SYN3: variants seen among roughly 807,000 people sequenced by gnomAD.
SYN3 encodes the protein synapsin III, also known as synapsin-3.
Under a neutral mutation model 65.8 loss-of-function variants are expected in SYN3, and 35 were observed. That is an observed-to-expected ratio of 0.53 (90% CI 0.41 to 0.70). The LOEUF (loss-of-function observed/expected upper bound fraction) is 0.70. SYN3 is among the 30% of genes least tolerant of loss of function. The pLI is 0.00. For synonymous variants in SYN3, 270 were observed against 292.9 expected, an observed-to-expected ratio of 0.92 and a Z score of 0.80; for missense variants, 680 against 749.0, an observed-to-expected ratio of 0.91 and a Z score of 1.08.
chr22:32,818,703 G>T (rs1402801086), intron 6 of SYN3, among the ~76,000 whole-genome samples: 1 of 152,118 alleles, frequency 6.6e-6, no homozygotes, highest in Admixed American at 6.6e-5. Context: ...ACCATTAACT[G>T]CAGTCAGAAA....
At chr22:32,567,309 G>A (rs739008) in intron 7 of SYN3, among the ~76,000 whole-genome samples, 42,476 of 147,970 alleles carry the variant, frequency 0.29, 6,686 homozygotes, top group East Asian at 0.51. Context: ...GCAATAGAAC[G>A]ATGACGGAGA....
At chr22:32,547,608 AG>A (rs1311097757) in intron 7 of SYN3, among the ~76,000 whole-genome samples, 4 of 151,658 alleles carry the variant, frequency 2.6e-5, no homozygotes, top group African/African-American at 9.7e-5. Context: ...TGTGTATGTG[AG>A]TGTGCATGCA....
Position 32,864,903 on chromosome 22 carries a change from A to C in SYN3, c.711+12T>G. The C allele has an allele frequency of 6.2e-7, 1 of 1,611,410 alleles. No homozygotes were observed. On this transcript the variant is annotated intron_variant, in intron 6 of 13. Transcript: ENST00000358763. Reference sequence around the variant, plus strand: ...CATCATGCAAAGAAACAGAGTAAAAAAGGGCACTCACCATTGGCTTATGGT... The same window carrying C: ...CATCATGCAAAGAAACAGAGTAAAACAGGGCACTCACCATTGGCTTATGGT...
chr22:32,823,025 C>T (rs553331486), intron 6 of SYN3, among the ~76,000 whole-genome samples: 24 of 152,256 alleles, frequency 1.6e-4, no homozygotes, highest in African/African-American at 3.6e-4. Context: ...AGTTACTCTG[C>T]GCTGTGGGAT....
chr22:32,508,578 CTT>C lies in SYN3; in HGVS notation c.*5112_*5113del, dbSNP rs930044001. On this transcript the variant is annotated 3_prime_UTR_variant, in exon 14 of 14. Coordinates refer to ENST00000358763, the MANE Select transcript of SYN3 (RefSeq NM_003490.4). ...TCTTCAGATTCAGTTTGGAAGAGGT[CTT>C]TTTGAGGTTGAAAACCTGCCATTGA... Among the ~76,000 whole-genome samples, 4 of 152,114 alleles carry C rather than the reference CTT, an allele frequency of 2.6e-5. No homozygotes were observed. The highest frequency in any genetic ancestry group is 5.9e-5 in the Non-Finnish European group (4 of 68,026).
At position 32,720,080 on chromosome 22, in the gene SYN3, CTT is replaced by C. The variant is rs5845020; in HGVS notation, c.712-123346_712-123345del. Among the ~76,000 whole-genome samples, 661 of 152,290 alleles carry C rather than the reference CTT, an allele frequency of 4.3e-3. 2 individuals carry two copies. Among genetic ancestry groups the C allele is most frequent in the African/African-American group, 0.014 (597 of 41,550 alleles). ...CTTAGCACACACTCTGGAATCTAGT[CTT>C]TTCAGTTTAAGCCCTGGTTTCAGCT... On this transcript the variant is annotated intron_variant, in intron 6 of 13. Transcript: ENST00000358763.
chr22:32,599,313 C>G (rs1361441829), intron 6 of SYN3, among the ~76,000 whole-genome samples: 1 of 149,570 alleles, frequency 6.7e-6, no homozygotes, highest in Non-Finnish European at 1.5e-5. Context: ...ACAGCTGAAG[C>G]CCCTGATGTA....
In SYN3 at chr22:32,820,288, GGT is replaced by G. The variant is rs1442587900; in HGVS notation, c.711+44625_711+44626del. The stretch of plus-strand genomic sequence containing the variant: ...CGTGCGCGTGTGTGTGTGTGTGTGT[GGT>G]GTGTGTGGTGTGTGTTCTACTCCGT... On this transcript the variant is annotated intron_variant, in intron 6 of 13. Transcript: ENST00000358763. Among the ~76,000 whole-genome samples, 24 of 148,760 alleles carry G rather than the reference GGT, an allele frequency of 1.6e-4. No individual in the cohort carries two copies. In the East Asian group the frequency reaches 4.7e-3, roughly 29 times the overall value.
intron 7 of SYN3, among the ~76,000 whole-genome samples, chr22:32,586,804 A>G (rs978900779): frequency 6.6e-6 from 1 of 152,188 alleles, no homozygotes; most frequent in Non-Finnish European, 1.5e-5. Context: ...TGGACTGTGT[A>G]TGTTGCATTT....
chr22:32,559,930 G>C (rs997418259), intron 7 of SYN3, among the ~76,000 whole-genome samples: 3 of 152,214 alleles, frequency 2.0e-5, no homozygotes, highest in African/African-American at 7.2e-5. Context: ...TCAAGCCTGT[G>C]CACTAAGAGG....
chr22:32,616,237 C>T (rs751290370), intron 6 of SYN3, among the ~76,000 whole-genome samples: 4 of 151,892 alleles, frequency 2.6e-5, no homozygotes, highest in African/African-American at 4.8e-5. Flanking sequence ...GCAGGAGCCT[C>T]GAGGTGGCGA....
intron 6 of SYN3, among the ~76,000 whole-genome samples, chr22:32,669,523 C>G (rs893318552): frequency 2.0e-5 from 3 of 152,166 alleles, no homozygotes; most frequent in Admixed American, 2.0e-4. Flanking sequence ...GAAAAGAGAA[C>G]GGCTGTCATT....
At chr22:32,738,755 T>G (rs2061364856) in intron 6 of SYN3, among the ~76,000 whole-genome samples, 1 of 152,024 alleles carries the variant, frequency 6.6e-6, no homozygotes, top group South Asian at 2.1e-4. Flanking sequence ...AAGAGAGGAG[T>G]TAGCATTTTA....
intron 6 of SYN3, among the ~76,000 whole-genome samples, chr22:32,822,137 A>C (rs2047265193): frequency 1.3e-5 from 2 of 149,638 alleles, no homozygotes; most frequent in Non-Finnish European, 3.0e-5. Context: ...CCTGGGCAAC[A>C]AGAGCAAAAC....
At chr22:32,871,871 T>C (rs1339389355) in intron 4 of SYN3, among the ~76,000 whole-genome samples, 1 of 152,112 alleles carries the variant, frequency 6.6e-6, no homozygotes, top group Non-Finnish European at 1.5e-5. Flanking sequence ...TAAGTGATCC[T>C]CCTGCCTCAG....
intron 6 of SYN3, among the ~76,000 whole-genome samples, chr22:32,835,577 G>A (rs2047707401): frequency 6.6e-6 from 1 of 152,148 alleles, no homozygotes; most frequent in African/African-American, 2.4e-5. Flanking sequence ...AGGGTCTCAT[G>A]CAGATAGAAT....
chr22:32,847,382 GA>G (rs1251148475), intron 6 of SYN3, among the ~76,000 whole-genome samples: 1 of 152,152 alleles, frequency 6.6e-6, no homozygotes, highest in African/African-American at 2.4e-5. Flanking sequence ...AGCAGACTTG[GA>G]AACAACCACT....
intron 4 of SYN3, among the ~76,000 whole-genome samples, chr22:32,912,425 C>T (rs1327782645): frequency 2.0e-5 from 3 of 152,008 alleles, no homozygotes; most frequent in African/African-American, 7.2e-5. Context: ...TTTTAAAGCA[C>T]TCACTCTTGG....
chr22:32,760,316 G>A (rs4821095), intron 6 of SYN3, among the ~76,000 whole-genome samples: 22,782 of 151,074 alleles, frequency 0.15, 2,221 homozygotes, highest in East Asian at 0.35. Context: ...CTGCCCTTCG[G>A]TTGAAGGAGA....
Sources: allele counts gnomAD v4.1 joint callset (sites outside exome capture counted in the v4.1 genomes callset), GRCh38; gene constraint gnomAD v4.1.1; transcripts MANE v1.5; gene names NCBI Gene and HGNC (gene_info 2026-07-23, HGNC 2026-07-21).